NYAP2: variants seen among roughly 807,000 people sequenced by gnomAD.
The protein encoded by NYAP2 is neuronal tyrosine-phosphorylated phosphoinositide-3-kinase adaptor 2, also known as neuronal tyrosine-phosphorylated phosphoinositide-3-kinase adapter 2.
NYAP2 carries 23 observed loss-of-function variants against 50.4 expected under a neutral mutation model. The ratio of observed to expected loss-of-function variants is 0.46; its 90% confidence interval spans 0.33 to 0.65. The LOEUF is 0.65. NYAP2 is among the 30% of genes least tolerant of loss of function. NYAP2 has a pLI of 0.02. For missense variants in NYAP2, 885 were observed against 861.0 expected, an observed-to-expected ratio of 1.03 and a Z score of -0.35; for synonymous variants, 394 against 365.2, an observed-to-expected ratio of 1.08 and a Z score of -0.90.
chr2:225,615,869 C>T (rs1024046807), intron 5 of NYAP2, among the ~76,000 whole-genome samples: 2 of 152,188 alleles, frequency 1.3e-5, no homozygotes, highest in African/African-American at 2.4e-5. Flanking sequence ...GGCCCTGTGC[C>T]TCCACCACGA....
intron 3 of NYAP2, among the ~76,000 whole-genome samples, chr2:225,483,130 A>T (rs1690233643): frequency 6.6e-6 from 1 of 152,224 alleles, no homozygotes; most frequent in African/African-American, 2.4e-5. Flanking sequence ...CTAACATAAC[A>T]TCTATATATT....
intron 3 of NYAP2, among the ~76,000 whole-genome samples, chr2:225,494,543 G>A (rs1462336530): frequency 1.3e-5 from 2 of 152,154 alleles, no homozygotes; most frequent in Non-Finnish European, 2.9e-5. Flanking sequence ...GTTAAAAGAA[G>A]ATACCAGATA....
At chr2:225,413,019 C>T (rs1695072372) in intron 3 of NYAP2, among the ~76,000 whole-genome samples, 1 of 152,160 alleles carries the variant, frequency 6.6e-6, no homozygotes, top group South Asian at 2.1e-4. Flanking sequence ...TTACTATCCT[C>T]ACAGTCAGCA....
intron 4 of NYAP2, among the ~76,000 whole-genome samples, chr2:225,550,008 T>A (rs1000628962): frequency 2.8e-5 from 4 of 142,226 alleles, no homozygotes; most frequent in Admixed American, 7.0e-5. Flanking sequence ...AATAAATAAA[T>A]AAAAAATAGA....
intron 3 of NYAP2, among the ~76,000 whole-genome samples, chr2:225,510,351 G>A (rs867139991): frequency 6.6e-6 from 1 of 152,104 alleles, no homozygotes; most frequent in East Asian, 1.9e-4. Context: ...TTCTGGGGGG[G>A]TTCTGGATTA....
intron 3 of NYAP2, among the ~76,000 whole-genome samples, chr2:225,491,688 G>A (rs1225525547): frequency 6.6e-6 from 1 of 152,186 alleles, no homozygotes; most frequent in Non-Finnish European, 1.5e-5. Flanking sequence ...TCTTTACTAT[G>A]TAGTTAGTGA....
At chr2:225,692,514 T>C in the NYAP2 span, among the ~76,000 whole-genome samples, 54 of 152,134 alleles carry the variant, frequency 3.5e-4, no homozygotes, top group Non-Finnish European at 6.5e-4. Flanking sequence ...GATTTCTCCA[T>C]TTATATGCTT....
intron 4 of NYAP2, among the ~76,000 whole-genome samples, chr2:225,545,659 A>G (rs183272358): frequency 3.3e-4 from 50 of 152,226 alleles, no homozygotes; most frequent in African/African-American, 8.7e-4. Context: ...TGAAAAGTCA[A>G]ATATCTGTGT....
intron 4 of NYAP2, among the ~76,000 whole-genome samples, chr2:225,548,354 T>C (rs896266571): frequency 2.7e-5 from 4 of 149,704 alleles, no homozygotes; most frequent in African/African-American, 9.9e-5. Context: ...TCTTTCTGAT[T>C]CTTAATCTTC....
Position 225,452,775 on chromosome 2 carries a change from G to A in NYAP2, c.221+43674G>A, listed in dbSNP as rs115162134. Among the ~76,000 whole-genome samples the A allele has an allele frequency of 3.2e-3, 489 of 152,118 alleles. 3 individuals carry two copies. The highest frequency in any genetic ancestry group is 0.011 in the African/African-American group (461 of 41,488). On this transcript the variant is annotated intron_variant, in intron 3 of 6. Coordinates refer to ENST00000636099, the Ensembl canonical transcript of NYAP2. The stretch of plus-strand genomic sequence containing the variant: ...AATCCACTAATGCAGTCATGCACGC[G>A]TACACCCCACCACACACATGCACAC...
At chr2:225,613,134 C>T (rs941901048) in intron 5 of NYAP2, among the ~76,000 whole-genome samples, 14 of 152,158 alleles carry the variant, frequency 9.2e-5, no homozygotes, top group African/African-American at 1.7e-4. Flanking sequence ...AGAAACCAGT[C>T]GTGTCTCAGT....
Position 225,582,287 on chromosome 2 carries a change from C to T in NYAP2, c.870C>T (p.His290=). The change falls in exon 5 of 7, where the codon CAC becomes CAT. Residue 290 remains histidine (H), a synonymous_variant. Coordinates refer to ENST00000636099, the Ensembl canonical transcript of NYAP2. The surrounding 1 kb of genome is among the most constrained non-coding windows in gnomAD (Gnocchi z 7.0). ...ACGCCAAATGTGACTTCGACCATCA[C>T]AGCTGTTCTTCGCAGTGTGCTACTC... is the stretch of plus-strand genomic sequence containing the variant. The T allele has an allele frequency of 6.2e-7, 1 of 1,614,022 alleles. No individual in the cohort carries two copies. Among genetic ancestry groups the T allele is most frequent in the Non-Finnish European group, 8.5e-7 (1 of 1,179,884 alleles).
chr2:225,538,886 T>G (rs1466019650), intron 4 of NYAP2, among the ~76,000 whole-genome samples: 7 of 146,030 alleles, frequency 4.8e-5, no homozygotes, highest in Non-Finnish European at 1.1e-4. Context: ...GGGATACATG[T>G]GCAGAACATG....
At chr2:225,676,013 T>C in the NYAP2 span, among the ~76,000 whole-genome samples, 1 of 152,178 alleles carries the variant, frequency 6.6e-6, no homozygotes, top group Non-Finnish European at 1.5e-5. Flanking sequence ...TTTTTGTTTT[T>C]CGCTTGTTGA....
At chr2:225,520,152 A>T (rs1691021029) in intron 4 of NYAP2, among the ~76,000 whole-genome samples, 1 of 152,118 alleles carries the variant, frequency 6.6e-6, no homozygotes, top group Non-Finnish European at 1.5e-5. Flanking sequence ...GTTTGAGTTC[A>T]TCGTAGATTC....
the NYAP2 span, chr2:225,702,081 T>A: frequency 2.0e-4 from 31 of 151,782 alleles, no homozygotes; most frequent in African/African-American, 7.5e-4. Flanking sequence ...ACATGTGAAA[T>A]TAAGAAACAA....
intron 4 of NYAP2, among the ~76,000 whole-genome samples, chr2:225,536,334 T>C (rs1182893517): frequency 1.3e-5 from 2 of 152,178 alleles, no homozygotes; most frequent in Non-Finnish European, 2.9e-5. Context: ...ACCTGCTTCC[T>C]GCCCCTTGTC....
At chr2:225,624,273 C>G (rs1693170965) in intron 5 of NYAP2, among the ~76,000 whole-genome samples, 1 of 152,110 alleles carries the variant, frequency 6.6e-6, no homozygotes, top group East Asian at 1.9e-4. Context: ...TTTCGTTTAT[C>G]AACAACAATG....
intron 5 of NYAP2, among the ~76,000 whole-genome samples, chr2:225,620,433 ACACACGCACGCACACGCACG>A (rs1033525180): frequency 1.6e-4 from 5 of 30,706 alleles, no homozygotes; most frequent in Non-Finnish European, 3.5e-4. Context: ...ACACGCACGC[ACACACGCACGCACACGCACG>A]CACACACGCG....
Sources: gnomAD v4.1 joint callset for allele counts (sites outside exome capture counted in the v4.1 genomes callset) on GRCh38, gnomAD v4.1.1 for gene constraint, Gnocchi (gnomAD v3.1) non-coding constraint, MANE v1.5 for transcripts, NCBI Gene and HGNC (gene_info 2026-07-23, HGNC 2026-07-21) for gene names.